VPS4B: variants seen among roughly 807,000 people sequenced by gnomAD.
VPS4B encodes vacuolar protein sorting 4 homolog B.
VPS4B carries 23 observed loss-of-function variants against 56.1 expected under a neutral mutation model. The observed-to-expected ratio is 0.41, with a 90% CI of 0.30 to 0.58. VPS4B has a LOEUF of 0.58. VPS4B is among the 20% of genes least tolerant of loss of function. The pLI is 0.29. For synonymous variants in VPS4B, 177 were observed against 186.0 expected (o/e 0.95, Z 0.39); for missense variants, 372 against 531.9 (o/e 0.70, Z 2.96).
At chr18:63,392,640 G>A (rs1053081996) in intron 10 of VPS4B, among the ~76,000 whole-genome samples, 2 of 152,056 alleles carry the variant, frequency 1.3e-5, no homozygotes, top group South Asian at 4.1e-4. Flanking sequence ...AGTAGAGATG[G>A]GGTTTCACCG....
At chr18:63,411,343 A>ATT (rs367551881) in intron 2 of VPS4B, 124 bp downstream of exon 2, 49 of 546,082 alleles carry the variant, frequency 9.0e-5, no homozygotes, top group Non-Finnish European at 1.2e-4. Context: ...AAAGTGGAGT[A>ATT]TTTTTTTTTT....
chr18:63,407,467 T>G lies in VPS4B; in HGVS notation c.329A>C (p.Asp110Ala). Residue 110 changes from aspartate to alanine, a missense_variant, in exon 4 of 11, where the codon GAT (aspartate) becomes GCT (alanine). This residue lies in a region of VPS4B where 153 missense variants were observed against 190.3 expected (regional missense o/e 0.80). Transcript: ENST00000238497. ...ATTCTGTAGTTTCTTTTTTTCAGGA[T>G]CATCAGATTCTCCTTCCCCATCACT... The part of the protein sequence containing the change: ...NDSDGEGESD[D>A]PEKKKLQNQL... The G allele has an allele frequency of 1.2e-6, 2 of 1,610,294 alleles. No homozygotes were observed. The highest frequency in any genetic ancestry group is 1.7e-6 in the Non-Finnish European group (2 of 1,178,850).
In VPS4B at chr18:63,397,069, C is replaced by T. The variant is rs539348167; in HGVS notation, c.1057G>A (p.Val353Ile). The T allele has an allele frequency of 7.4e-6, 12 of 1,613,570 alleles. No homozygotes were observed. In the African/African-American group the frequency reaches 8.0e-5, roughly 11 times the overall value. Residue 353 changes from valine (V) to isoleucine (I), a missense_variant, in exon 9 of 11, where the codon GTT (valine) becomes ATT (isoleucine). By Grantham distance (29) the Val-to-Ile change is conservative. Around this residue, in one of 3 missense-constraint regions of VPS4B, gnomAD observed 153 missense variants for 190.9 expected, o/e 0.80. Coordinates refer to ENST00000238497, the MANE Select transcript of VPS4B (RefSeq NM_004869.4). Reference sequence around the variant, plus strand: ...TGAGTAGCTGACTGTACTTTCCTAACAGGCTGCATAAGGGCATCACGTACA... The same window carrying T: ...TGAGTAGCTGACTGTACTTTCCTAATAGGCTGCATAAGGGCATCACGTACA... ...IIVRDALMQPVRKVQSATHFK... is the reference protein window; with the variant it reads ...IIVRDALMQPIRKVQSATHFK...
intron 10 of VPS4B, 144 bp from the exon 11 acceptor site, chr18:63,391,220 A>T: frequency 3.6e-6 from 2 of 553,842 alleles, no homozygotes; most frequent in Non-Finnish European, 3.1e-6. Context: ...CTAACGATAA[A>T]CTCCCTATTC....
intron 1 of VPS4B, among the ~76,000 whole-genome samples, chr18:63,419,686 C>T (rs1916251349): frequency 6.6e-6 from 1 of 152,172 alleles, no homozygotes; most frequent in African/African-American, 2.4e-5. Flanking sequence ...AAAATGCCTA[C>T]GTCATGATAT....
chr18:63,414,940 A>G (rs951350726), intron 1 of VPS4B, among the ~76,000 whole-genome samples: 3 of 152,248 alleles, frequency 2.0e-5, no homozygotes, highest in African/African-American at 7.2e-5. Context: ...TAATTAAACC[A>G]GCCTTTCCCT....
intron 10 of VPS4B, among the ~76,000 whole-genome samples, chr18:63,392,969 C>T (rs1915586840): frequency 6.6e-6 from 1 of 152,004 alleles, no homozygotes; most frequent in Admixed American, 6.5e-5. Flanking sequence ...CAGTTTCAAA[C>T]TCCTGGCCTC....
Position 63,411,463 on chromosome 18 carries a change from T to C in VPS4B, c.139+4A>G. ...TTTAAATAAAATATAACCTATGGCC[T>C]CACATTTAACGACATGAAGAAAATA... On this transcript the variant is annotated splice_donor_region_variant and intron_variant, in intron 2 of 10. Coordinates refer to ENST00000238497, the MANE Select transcript of VPS4B (RefSeq NM_004869.4). 6.6e-7 allele frequency: 1 copy of C among 1,524,494 alleles called. No individual in the cohort carries two copies. Among genetic ancestry groups the C allele is most frequent in the South Asian group, 1.3e-5 (1 of 77,344 alleles). The allele number at this position is 1,524,494 out of a possible 1,614,324, so 94.4% of individuals were successfully genotyped here.
chr18:63,399,782 T>C (rs1308559700), intron 7 of VPS4B, among the ~76,000 whole-genome samples: 1 of 152,314 alleles, frequency 6.6e-6, no homozygotes, highest in Non-Finnish European at 1.5e-5. Flanking sequence ...TTTGTTAGAA[T>C]GGAGAAATTC....
intron 1 of VPS4B, among the ~76,000 whole-genome samples, chr18:63,419,944 C>A (rs1054264095): frequency 6.6e-6 from 1 of 152,134 alleles, no homozygotes; most frequent in African/African-American, 2.4e-5. Context: ...TTGCCTTGTT[C>A]AGCAGGAAGT....
intron 5 of VPS4B, among the ~76,000 whole-genome samples, chr18:63,402,536 C>T (rs1016972300): frequency 6.6e-6 from 1 of 152,000 alleles, no homozygotes; most frequent in Non-Finnish European, 1.5e-5. Context: ...TCCTGTATGT[C>T]TCTGTATATT....
chr18:63,396,987 CA>C (rs35538536), intron 9 of VPS4B, 46 bp downstream of exon 9: 214,445 of 1,222,292 alleles, frequency 0.18, 10 homozygotes, highest in South Asian at 0.21. Context: ...GAGACTGTCT[CA>C]AAAAAAAAAA....
intron 1 of VPS4B, 56 bp downstream of exon 1, chr18:63,422,177 C>A: frequency 7.0e-7 from 1 of 1,431,126 alleles, no homozygotes; most frequent in Non-Finnish European, 9.2e-7. Context: ...CCACCCGCTT[C>A]TCGCGCCTCC....
intron 8 of VPS4B, among the ~76,000 whole-genome samples, chr18:63,398,204 C>CACACACATATATAT (rs1298374245): frequency 8.9e-5 from 10 of 112,446 alleles, no homozygotes; most frequent in African/African-American, 3.3e-4. Flanking sequence ...CACACACACA[C>CACACACATATATAT]ATATATATAT....
intron 10 of VPS4B, among the ~76,000 whole-genome samples, chr18:63,393,058 A>AG (rs1915589612): frequency 6.6e-6 from 1 of 152,134 alleles, no homozygotes; most frequent in African/African-American, 2.4e-5. Flanking sequence ...TCTGAGATGC[A>AG]GGGGAAAAAA....
At chr18:63,400,020 A>G in intron 7 of VPS4B, 28 bp downstream of exon 7, 1 of 1,592,094 alleles carries the variant, frequency 6.3e-7, no homozygotes, top group Non-Finnish European at 8.5e-7. Context: ...CTCCGTCTCA[A>G]AAAGAAAAAA....
In VPS4B at chr18:63,393,352, A is replaced by C. The variant is rs2144409827; in HGVS notation, c.1233+57T>G. The stretch of plus-strand genomic sequence containing the variant: ...TTTCCAGCAAATCTTATATAACTGA[A>C]AATTATGAAGTATAATGTTTTAAAA... On this transcript the variant is annotated intron_variant, in intron 10 of 10. Transcript: ENST00000238497. The C allele has an allele frequency of 2.1e-6, 3 of 1,448,416 alleles. No homozygotes were observed. The East Asian group carries it at 7.9e-5, about 38-fold the overall frequency. 89.7% of individuals were successfully genotyped at this position (1,448,416 alleles called of 1,614,324 possible).
intron 5 of VPS4B, among the ~76,000 whole-genome samples, chr18:63,401,300 G>T (rs755675141): frequency 3.3e-5 from 5 of 152,116 alleles, no homozygotes; most frequent in Non-Finnish European, 7.4e-5. Context: ...TGTTGCCCAG[G>T]CTGGAGGGCA....
At chr18:63,411,658 T>TG in intron 1 of VPS4B, 80 bp from the exon 2 acceptor site, 2 of 1,060,458 alleles carry the variant, frequency 1.9e-6, no homozygotes, top group South Asian at 3.1e-5. Context: ...ACTGAAAGTT[T>TG]TTTTTTTTTT....
Sources: gnomAD v4.1 joint callset for allele counts (sites outside exome capture counted in the v4.1 genomes callset) on GRCh38, gnomAD v4.1.1 for gene constraint, gnomAD v4.1.1 regional missense constraint, MANE v1.5 for transcripts, NCBI Gene and HGNC (gene_info 2026-07-23, HGNC 2026-07-21) for gene names.